The following VRK2 variants were observed in gnomAD, a reference collection of about 807,000 sequenced individuals.
VRK2 encodes the protein VRK serine/threonine kinase 2.
Under a neutral mutation model 57.6 loss-of-function variants are expected in VRK2, and 60 were observed. That is an observed-to-expected ratio of 1.04 (90% confidence interval 0.85 to 1.29). The LOEUF (loss-of-function observed/expected upper bound fraction) is 1.29. VRK2 is among the 50% of genes most tolerant of loss of function. VRK2 has a pLI of 0.00. For synonymous variants in VRK2, 231 were observed against 199.2 expected, an observed-to-expected ratio of 1.16 and a Z score of -1.35; for missense variants, 705 against 588.1, an observed-to-expected ratio of 1.20 and a Z score of -2.06.
chr2:58,159,201 T>G lies in VRK2; in HGVS notation c.1183-148T>G, dbSNP rs146574564. ...TAAAAAGTGTAAATCTTTAAGATCT[T>G]TACCTAAAAATTACTTCTCAGGAAA... On this transcript the variant is annotated intron_variant, in intron 12 of 12. Coordinates refer to ENST00000340157, the MANE Select transcript of VRK2 (RefSeq NM_006296.7). 865 of 586,086 alleles carry G rather than the reference T, an allele frequency of 1.5e-3. 8 individuals are homozygous for G. The highest frequency in any genetic ancestry group is 0.015 in the African/African-American group (781 of 53,656). 36.3% of individuals were successfully genotyped at this position (586,086 alleles called of 1,614,324 possible).
intron 1 of VRK2, among the ~76,000 whole-genome samples, chr2:57,945,995 C>T (rs1428918828): frequency 6.6e-6 from 1 of 152,040 alleles, no homozygotes; most frequent in Admixed American, 6.6e-5. Context: ...ACTGAATATC[C>T]AGATGAAAAG....
At chr2:58,023,845 A>G (rs1288049167) in intron 1 of VRK2, among the ~76,000 whole-genome samples, 2 of 152,228 alleles carry the variant, frequency 1.3e-5, no homozygotes, top group African/African-American at 4.8e-5. Flanking sequence ...TAAAGAATCA[A>G]TATAGAAGCT....
intron 1 of VRK2, among the ~76,000 whole-genome samples, chr2:57,975,375 T>C (rs1313841520): frequency 6.6e-6 from 1 of 152,092 alleles, no homozygotes; most frequent in Non-Finnish European, 1.5e-5. Context: ...ATAGACTTTT[T>C]ATATTAGTTT....
At position 58,070,378 on chromosome 2, in the gene VRK2, G is replaced by A. The variant is rs1330520289; in HGVS notation, c.137-13711G>A. On this transcript the variant is annotated intron_variant, in intron 2 of 12. Transcript: ENST00000340157. ...ATGTTATATAGTTTTATGGGTTTTG[G>A]TATATGCATAATATCATGTGTCCAC... Among the ~76,000 whole-genome samples the A allele has an allele frequency of 5.9e-5, 9 of 152,112 alleles. No homozygotes were observed. In the East Asian group the frequency reaches 1.2e-3, roughly 20 times the overall value.
chr2:58,114,640 A>G (rs1210801996), intron 7 of VRK2, among the ~76,000 whole-genome samples: 3 of 151,984 alleles, frequency 2.0e-5, no homozygotes, highest in Non-Finnish European at 4.4e-5. Flanking sequence ...AAAGACCTTT[A>G]GTCCGTTCTA....
At chr2:57,924,115 G>T (rs79117278) in intron 1 of VRK2, among the ~76,000 whole-genome samples, 13 of 151,934 alleles carry the variant, frequency 8.6e-5, no homozygotes, top group Non-Finnish European at 1.6e-4. Context: ...ATGCCATTTC[G>T]GTTACTACAC....
chr2:57,912,552 CAG>C (rs1225679268), intron 1 of VRK2, among the ~76,000 whole-genome samples: 2 of 151,938 alleles, frequency 1.3e-5, no homozygotes, highest in East Asian at 3.9e-4. Context: ...AGCTCAGAAA[CAG>C]AGAGGAAATC....
At chr2:57,986,685 G>A (rs1672604837) in intron 1 of VRK2, among the ~76,000 whole-genome samples, 1 of 142,266 alleles carries the variant, frequency 7.0e-6, no homozygotes, top group Admixed American at 7.6e-5. Context: ...TGCAACCTCT[G>A]CCTCCCAGGT....
intron 1 of VRK2, among the ~76,000 whole-genome samples, chr2:57,942,588 G>C (rs981386267): frequency 1.3e-5 from 2 of 151,636 alleles, no homozygotes; most frequent in Non-Finnish European, 2.9e-5. Context: ...GTGGGCACGT[G>C]TGTGCCTGTG....
chr2:58,072,413 GA>G (rs966227185), intron 2 of VRK2, among the ~76,000 whole-genome samples: 1 of 151,820 alleles, frequency 6.6e-6, no homozygotes, highest in Admixed American at 6.6e-5. Context: ...TTTATTTGTA[GA>G]TTTTTTTTAT....
In VRK2 at chr2:57,920,413, A is replaced by G. The variant is rs181950647; in HGVS notation, c.-439+12574A>G. 7.9e-3 allele frequency among the ~76,000 whole-genome samples: 1,201 copies of G among 152,242 alleles called. 8 individuals carry two copies. Among genetic ancestry groups the G allele is most frequent in the Non-Finnish European group, 0.01 (698 of 67,986 alleles). Reference sequence around the variant, plus strand: ...AAATTTTCACATATCCTCACGATCAATTGATTTCACAGGATATTTTACTCA... The same window carrying G: ...AAATTTTCACATATCCTCACGATCAGTTGATTTCACAGGATATTTTACTCA... On this transcript the variant is annotated intron_variant, in intron 1 of 15. Transcript: ENST00000417641.
chr2:58,085,930 C>CTTTTTTTTTT (rs59333442), intron 4 of VRK2, among the ~76,000 whole-genome samples: 23 of 116,776 alleles, frequency 2.0e-4, no homozygotes, highest in East Asian at 5.2e-4. Context: ...CTTTTTTTTT[C>CTTTTTTTTTT]TTTTTTTTTT....
intron 2 of VRK2, among the ~76,000 whole-genome samples, chr2:58,069,622 G>A (rs1669109448): frequency 6.6e-6 from 1 of 152,078 alleles, no homozygotes; most frequent in African/African-American, 2.4e-5. Context: ...GATTGGAGAG[G>A]AAAGTTTCCT....
At chr2:58,044,286 G>T (rs1308711556), upstream of VRK2, among the ~76,000 whole-genome samples, 1 of 152,180 alleles carries the variant, frequency 6.6e-6, no homozygotes, top group African/African-American at 2.4e-5. Flanking sequence ...TCTCTTCCAA[G>T]AATGTGTCCA....
intron 1 of VRK2, among the ~76,000 whole-genome samples, chr2:57,970,189 A>T (rs1672052139): frequency 6.7e-6 from 1 of 148,340 alleles, no homozygotes; most frequent in African/African-American, 2.5e-5. Flanking sequence ...AAATAATATA[A>T]CATTATTAAT....
At chr2:58,041,092 G>A (rs1483772001) in intron 3 of VRK2, 5 of 983,872 alleles carry the variant, frequency 5.1e-6, no homozygotes, top group Non-Finnish European at 4.8e-6. Flanking sequence ...AGGATGTAGA[G>A]TGTAAATATA....
At chr2:57,926,467 G>GTGTGTA (rs1473127332) in intron 1 of VRK2, among the ~76,000 whole-genome samples, 1 of 147,902 alleles carries the variant, frequency 6.8e-6, no homozygotes, top group African/African-American at 2.5e-5. Context: ...GTGTGTGTGT[G>GTGTGTA]TATAGTGTAT....
chr2:58,009,427 T>C (rs1673351464), intron 1 of VRK2, among the ~76,000 whole-genome samples: 1 of 151,564 alleles, frequency 6.6e-6, no homozygotes, highest in South Asian at 2.1e-4. Flanking sequence ...CCATGTGATA[T>C]ATAAACAAAG....
intron 3 of VRK2, among the ~76,000 whole-genome samples, chr2:58,038,715 G>C (rs1231242048): frequency 5.3e-5 from 8 of 152,008 alleles, no homozygotes; most frequent in Non-Finnish European, 1.2e-4. Context: ...ATGCCTACAA[G>C]TCTAACTTCT....
Sources: gnomAD v4.1 joint callset for allele counts (sites outside exome capture counted in the v4.1 genomes callset) on GRCh38, gnomAD v4.1.1 for gene constraint, MANE v1.5 for transcripts, NCBI Gene and HGNC (gene_info 2026-07-23, HGNC 2026-07-21) for gene names.